The following RWDD2A variants were observed in gnomAD, a reference collection of about 807,000 sequenced individuals.
RWDD2A encodes RWD domain containing 2A, also known as RWD domain-containing protein 2A.
In RWDD2A, 15 loss-of-function variants were observed where a neutral mutation model predicts 23.1. That is an observed-to-expected ratio of 0.65 (90% CI 0.43 to 1.00). The LOEUF is 1.00. Among genes scored for constraint, RWDD2A ranks in the 50% least tolerant of loss-of-function variants. RWDD2A has a pLI of 0.00. For synonymous variants in RWDD2A, 103 were observed against 123.0 expected (o/e 0.84, Z 1.08); for missense variants, 310 against 341.7 (o/e 0.91, Z 0.73).
chr6:83,196,333 C>A lies in RWDD2A; in HGVS notation c.*61C>A, dbSNP rs1027848810. On this transcript the variant is annotated 3_prime_UTR_variant, in exon 3 of 3. Coordinates refer to ENST00000369724, the MANE Select transcript of RWDD2A (RefSeq NM_033411.5). ...AAGTCAGTATTTCTGTTAATAAGAC[C>A]AAATTAAAAAGGCTAGTGGCTGTGT... 6.5e-6 allele frequency: 9 copies of A among 1,386,716 alleles called. No homozygotes were observed. Among genetic ancestry groups the A allele is most frequent in the East Asian group, 4.7e-5 (2 of 42,764 alleles). The allele number at this position is 1,386,716 out of a possible 1,614,324, so 85.9% of individuals were successfully genotyped here.
chr6:83,195,048 T>C (rs1161993918), intron 2 of RWDD2A, among the ~76,000 whole-genome samples: 2 of 152,158 alleles, frequency 1.3e-5, no homozygotes, highest in East Asian at 3.8e-4. Context: ...GATGGAAAAA[T>C]CTAAAGACTA....
chr6:83,195,051 A>G (rs552253018), intron 2 of RWDD2A, among the ~76,000 whole-genome samples: 6 of 152,344 alleles, frequency 3.9e-5, no homozygotes, highest in Admixed American at 3.3e-4. Flanking sequence ...GGAAAAATCT[A>G]AAGACTAAAA....
Position 83,197,519 on chromosome 6 carries a change from T to C in RWDD2A, c.*1247T>C, listed in dbSNP as rs532965011. ...CCCTCCCCAAGTATTTCTGCGAGTC[T>C]CATGTGCTAAGAGATGTCTTGAGCA... On this transcript the variant is annotated 3_prime_UTR_variant, in exon 3 of 3. Transcript: ENST00000369724. 2.6e-5 allele frequency: 4 copies of C among 152,348 alleles called. No homozygotes were observed. Among genetic ancestry groups the C allele is most frequent in the African/African-American group, 7.2e-5 (3 of 41,580 alleles). The allele number at this position is 152,348 out of a possible 1,614,324, so 9.4% of individuals were successfully genotyped here.
rs1225385173 is a variant in RWDD2A, at chr6:83,195,646, T to C, written c.253T>C (p.Leu85=). ...GCCTCACAGCTACCCCTATGTAGCA[T>C]TGCAGCTGTTTGGACGGTCATCTGA... ...TMPHSYPYVA[L]QLFGRSSELD... The change falls in exon 3 of 3, where the codon TTG becomes CTG. Residue 85 remains leucine (L), a synonymous_variant. Coordinates refer to ENST00000369724, the MANE Select transcript of RWDD2A (RefSeq NM_033411.5). 3.7e-6 allele frequency: 6 copies of C among 1,614,102 alleles called. No homozygotes were observed. The highest frequency in any genetic ancestry group is 2.7e-5 in the African/African-American group (2 of 74,938).
chr6:83,196,234 A>T lies in RWDD2A; in HGVS notation c.841A>T (p.Ile281Leu). ...GCACAAAAGTGAGCATGTTTTTCAG[A>T]TACTATTTGGTATTGAAAGCAAAAG... ...KKHKSEHVFQILFGIESKSSD... is the reference protein window; with the variant it reads ...KKHKSEHVFQLLFGIESKSSD... Residue 281 changes from isoleucine to leucine, a missense_variant, in exon 3 of 3, where the codon ATA (isoleucine) becomes TTA (leucine). Physicochemically the swap from Ile to Leu is conservative, Grantham distance 5. Transcript: ENST00000369724. 1 of 1,592,996 alleles carries T rather than the reference A, an allele frequency of 6.3e-7. No individual in the cohort carries two copies. The highest frequency in any genetic ancestry group is 8.5e-7 in the Non-Finnish European group (1 of 1,171,152).
chr6:83,194,621 T>G lies in RWDD2A; in HGVS notation c.170T>G (p.Phe57Cys). The G allele has an allele frequency of 6.2e-7, 1 of 1,614,142 alleles. No individual in the cohort carries two copies. Among genetic ancestry groups the G allele is most frequent in the East Asian group, 2.2e-5 (1 of 44,874 alleles). ...TREALPPKIE[F>C]VITLQIEEPK... ...GAGGCGCTGCCACCAAAAATCGAAT[T>G]TGTAATTACACTCCAGATTGAAGAG... Residue 57 changes from phenylalanine (F) to cysteine (C), a missense_variant, in exon 2 of 3, where the codon TTT (phenylalanine) becomes TGT (cysteine). Transcript: ENST00000369724.
chr6:83,196,256 A>G lies in RWDD2A; in HGVS notation c.863A>G (p.Lys288Arg), dbSNP rs758645840. ...VFQILFGIESKSSDS is the reference protein window; with the variant it reads ...VFQILFGIESRSSDS The stretch of plus-strand genomic sequence containing the variant: ...CAGATACTATTTGGTATTGAAAGCA[A>G]AAGTTCAGACTCATAAAAAGCGATT... The change falls in exon 3 of 3, where the codon AAA becomes AGA. Residue 288 changes from lysine to arginine, a missense_variant. Coordinates refer to ENST00000369724, the MANE Select transcript of RWDD2A (RefSeq NM_033411.5). 8.2e-5 allele frequency: 129 copies of G among 1,568,286 alleles called. No individual in the cohort carries two copies. Among genetic ancestry groups the G allele is most frequent in the Non-Finnish European group, 1.0e-4 (121 of 1,159,906 alleles).
chr6:83,194,776 C>G (rs1324927004), intron 2 of RWDD2A, 124 bp downstream of exon 2: 1 of 705,016 alleles, frequency 1.4e-6, no homozygotes, highest in Non-Finnish European at 2.4e-6. Flanking sequence ...TTGAAAGATA[C>G]GGAATGCTCT....
chr6:83,196,269 A>G lies in RWDD2A; in HGVS notation c.876A>G (p.Ser292=). The G allele has an allele frequency of 6.5e-7, 1 of 1,542,000 alleles. No homozygotes were observed. The highest frequency in any genetic ancestry group is 8.7e-7 in the Non-Finnish European group (1 of 1,148,698). ...LFGIESKSSD[S] is the part of the protein sequence containing the mutation. ...GTATTGAAAGCAAAAGTTCAGACTC[A>G]TAAAAAGCGATTAAGAGGCCTATGC... Residue 292 remains serine (S), a synonymous_variant, in exon 3 of 3, where the codon TCA becomes TCG. Coordinates refer to ENST00000369724, the MANE Select transcript of RWDD2A (RefSeq NM_033411.5).
Position 83,194,488 on chromosome 6 carries a change from C to T in RWDD2A, c.37C>T (p.Leu13=). Reference sequence around the variant, plus strand: ...GGTGAAAGAAAGCCTTCAGCTTCAGCTACTGGAGATGGAAATGCTGTTTTC... The same window carrying T: ...GGTGAAAGAAAGCCTTCAGCTTCAGTTACTGGAGATGGAAATGCTGTTTTC... The part of the protein sequence containing the change: ...ASVKESLQLQ[L]LEMEMLFSMF... Residue 13 remains leucine, a synonymous_variant, in exon 2 of 3, where the codon CTA becomes TTA. Transcript: ENST00000369724. The T allele has an allele frequency of 1.9e-6, 3 of 1,613,976 alleles. No homozygotes were observed. Among genetic ancestry groups the T allele is most frequent in the African/African-American group, 1.3e-5 (1 of 74,958 alleles).
In RWDD2A at chr6:83,195,580, G is replaced by T. The variant is rs757024462; in HGVS notation, c.202-15G>T. ...GATGTTATGGTATTTAAATCTATTTGATTTTCATTTTAAGGTGAAAATTGA... is the reference window on the plus strand; with the variant it reads ...GATGTTATGGTATTTAAATCTATTTTATTTTCATTTTAAGGTGAAAATTGA... On this transcript the variant is annotated splice_polypyrimidine_tract_variant and intron_variant, in intron 2 of 2. Coordinates refer to ENST00000369724, the MANE Select transcript of RWDD2A (RefSeq NM_033411.5). 1.3e-6 allele frequency: 2 copies of T among 1,596,950 alleles called. No individual in the cohort carries two copies. Among genetic ancestry groups the T allele is most frequent in the South Asian group, 1.1e-5 (1 of 90,130 alleles).
At chr6:83,195,423 C>T (rs1190324878) in intron 2 of RWDD2A, 172 bp from the exon 3 acceptor site, 23 of 630,398 alleles carry the variant, frequency 3.6e-5, no homozygotes, top group Non-Finnish European at 5.6e-5. Flanking sequence ...ACCTGGCACA[C>T]GTAGTTGTTC....
chr6:83,193,589 T>C (rs1202949596), intron 1 of RWDD2A, 146 bp downstream of exon 1: 1 of 151,310 alleles, frequency 6.6e-6, no homozygotes, highest in Non-Finnish European at 1.5e-5. Context: ...GGGTTCCTAG[T>C]GGTCTTGGCT....
At position 83,198,905 on chromosome 6, in the gene RWDD2A, T is replaced by C. The variant is rs1200003784; in HGVS notation, c.*2633T>C. ...AAAGTTACAGTGTCTTTTTAAAGTTTGCTGAAGTAAATGAAGCATATCGTC... is the reference window on the plus strand; with the variant it reads ...AAAGTTACAGTGTCTTTTTAAAGTTCGCTGAAGTAAATGAAGCATATCGTC... On this transcript the variant is annotated 3_prime_UTR_variant, in exon 3 of 3. Transcript: ENST00000369724. The C allele has an allele frequency of 6.6e-6, 1 of 152,266 alleles. No homozygotes were observed. The highest frequency in any genetic ancestry group is 1.5e-5 in the Non-Finnish European group (1 of 68,054). The allele number at this position is 152,266 out of a possible 1,614,324, so 9.4% of individuals were successfully genotyped here.
intron 2 of RWDD2A, among the ~76,000 whole-genome samples, chr6:83,194,922 A>G (rs1157523714): frequency 2.0e-5 from 3 of 152,232 alleles, no homozygotes; most frequent in Admixed American, 1.3e-4. Context: ...CAGTTGGACT[A>G]CCTTTCACAT....
chr6:83,195,911 A>G lies in RWDD2A; in HGVS notation c.518A>G (p.Lys173Arg), dbSNP rs1789570804. The change falls in exon 3 of 3, where the codon AAG (lysine) becomes AGG (arginine). Residue 173 changes from lysine (K) to arginine (R), a missense_variant. Physicochemically the swap from Lys to Arg is conservative, Grantham distance 26 (BLOSUM62 2). Coordinates refer to ENST00000369724, the MANE Select transcript of RWDD2A (RefSeq NM_033411.5). ...HHIYQQDLRK[K>R]ILDVGKRLDV... The stretch of plus-strand genomic sequence containing the variant: ...ATATATCAGCAGGACCTAAGGAAAA[A>G]GATTTTGGATGTTGGGAAAAGGTTA... 1 of 1,614,226 alleles carries G rather than the reference A, an allele frequency of 6.2e-7. No homozygotes were observed. Among genetic ancestry groups the G allele is most frequent in the African/African-American group, 1.3e-5 (1 of 75,058 alleles).
At position 83,197,104 on chromosome 6, in the gene RWDD2A, A is replaced by G. The variant is rs555371718; in HGVS notation, c.*832A>G. The G allele has an allele frequency of 6.6e-6, 1 of 152,366 alleles. No homozygotes were observed. Among genetic ancestry groups the G allele is most frequent in the African/African-American group, 2.4e-5 (1 of 41,582 alleles). The allele number at this position is 152,366 out of a possible 1,614,324, so 9.4% of individuals were successfully genotyped here. On this transcript the variant is annotated 3_prime_UTR_variant, in exon 3 of 3. Transcript: ENST00000369724. ...TCCCACGAGTTAAAAGATGACACAC[A>G]ATGCTATGTGTTCTGGCTGTTTATA... is the stretch of plus-strand genomic sequence containing the variant.
Position 83,196,305 on chromosome 6 carries a change from A to G in RWDD2A, c.*33A>G. On this transcript the variant is annotated 3_prime_UTR_variant, in exon 3 of 3. Coordinates refer to ENST00000369724, the MANE Select transcript of RWDD2A (RefSeq NM_033411.5). ...TTAAGAGGCCTATGCCTGTAATTTC[A>G]CTAAGTCAGTATTTCTGTTAATAAG... 6.8e-7 allele frequency: 1 copy of G among 1,476,516 alleles called. No individual in the cohort carries two copies. Among genetic ancestry groups the G allele is most frequent in the African/African-American group, 1.4e-5 (1 of 71,094 alleles). 91.5% of individuals were successfully genotyped at this position (1,476,516 alleles called of 1,614,324 possible). A position where few individuals can be genotyped will look rare whatever the true frequency, so the allele number is the denominator to read the frequency against.
Position 83,194,367 on chromosome 6 carries a change from A to T in RWDD2A, c.-85A>T, listed in dbSNP as rs1269012149. On this transcript the variant is annotated 5_prime_UTR_variant, in exon 2 of 3. Transcript: ENST00000369724. ...CTTCCACGTAAAGGGACCTTCGGGA[A>T]ATTTCGCTGGATACCGGCTGGCATT... 16 of 1,295,140 alleles carry T rather than the reference A, an allele frequency of 1.2e-5. No individual in the cohort carries two copies. The highest frequency in any genetic ancestry group is 1.7e-5 in the Non-Finnish European group (16 of 938,942). 80.2% of individuals were successfully genotyped at this position (1,295,140 alleles called of 1,614,324 possible).
Sources: allele counts gnomAD v4.1 joint callset (sites outside exome capture counted in the v4.1 genomes callset), GRCh38; gene constraint gnomAD v4.1.1; transcripts MANE v1.5; gene names NCBI Gene and HGNC (gene_info 2026-07-23, HGNC 2026-07-21).